Variants in PIK3C2B observed in about 807,000 individuals in gnomAD.
The protein encoded by PIK3C2B is phosphatidylinositol 4-phosphate 3-kinase C2 domain-containing subunit beta.
A neutral mutation model predicts 184.3 loss-of-function variants in PIK3C2B; 83 were observed. That is an observed-to-expected ratio of 0.45 (90% CI 0.38 to 0.54). The LOEUF (loss-of-function observed/expected upper bound fraction) is 0.54, where lower values mean the gene tolerates loss of function less well. PIK3C2B is among the 20% of genes least tolerant of loss of function. The pLI, the probability that PIK3C2B is intolerant of heterozygous loss-of-function variation, is 0.00. For synonymous variants in PIK3C2B, 779 were observed against 837.6 expected, an observed-to-expected ratio of 0.93 and a Z score of 1.21; for missense variants, 1,736 against 2,113.5, an observed-to-expected ratio of 0.82 and a Z score of 3.50.
chr1:204,425,313 T>C (rs1674686700), intron 32 of PIK3C2B, among the ~76,000 whole-genome samples: 1 of 152,114 alleles, frequency 6.6e-6, no homozygotes, highest in Admixed American at 6.5e-5. Context: ...AGCAGGCTTC[T>C]CCTTCCCACA....
At chr1:204,454,067 G>A (rs112307471) in intron 12 of PIK3C2B, among the ~76,000 whole-genome samples, 2,493 of 151,986 alleles carry the variant, frequency 0.016, 41 homozygotes, top group Non-Finnish European at 0.027. Context: ...AAGCCACCGC[G>A]CCTGGTCAAC....
intron 1 of PIK3C2B, among the ~76,000 whole-genome samples, chr1:204,487,560 T>C (rs1657693977): frequency 6.6e-6 from 1 of 152,146 alleles, no homozygotes; most frequent in South Asian, 2.1e-4. Flanking sequence ...CATCATAGGA[T>C]CAGAGGTTTG....
intron 26 of PIK3C2B, 38 bp from the exon 27 acceptor site, chr1:204,432,439 C>T (rs1675115369): frequency 4.5e-6 from 7 of 1,562,836 alleles, no homozygotes; most frequent in East Asian, 2.2e-5. Context: ...TAACCATGAA[C>T]CCAAATTCCT....
chr1:204,481,098 C>T (rs926546444), intron 1 of PIK3C2B, among the ~76,000 whole-genome samples: 1 of 151,128 alleles, frequency 6.6e-6, no homozygotes, highest in Admixed American at 6.6e-5. Context: ...ACATCTATGT[C>T]TCCCCGCTAC....
chr1:204,427,215 T>C (rs1674793114), intron 31 of PIK3C2B, among the ~76,000 whole-genome samples: 1 of 152,158 alleles, frequency 6.6e-6, no homozygotes, highest in South Asian at 2.1e-4. Context: ...AATTATCTAC[T>C]ACTGCCTTGA....
intron 24 of PIK3C2B, 94 bp downstream of exon 24, chr1:204,434,345 G>A: frequency 8.8e-7 from 1 of 1,131,882 alleles, no homozygotes. Context: ...CTGAGGCCCA[G>A]CTGCTTCCAT....
intron 12 of PIK3C2B, 168 bp downstream of exon 12, chr1:204,454,499 AAG>A (rs1487843062): frequency 1.9e-4 from 112 of 597,838 alleles, no homozygotes; most frequent in Non-Finnish European, 3.6e-5. Context: ...AAAAAAAAAA[AAG>A]AGTCAGGGAA....
At chr1:204,427,919 G>A (rs950135206) in intron 30 of PIK3C2B, among the ~76,000 whole-genome samples, 165 bp from the exon 31 acceptor site, 1 of 152,146 alleles carries the variant, frequency 6.6e-6, no homozygotes, top group African/African-American at 2.4e-5. Context: ...GGTTGGGATG[G>A]GTCTAAGGAT....
intron 1 of PIK3C2B, among the ~76,000 whole-genome samples, chr1:204,492,300 T>A (rs1450678627): frequency 1.3e-5 from 2 of 152,152 alleles, no homozygotes; most frequent in African/African-American, 4.8e-5. Flanking sequence ...AAACTAAATC[T>A]TAGGTCCACA....
intron 2 of PIK3C2B, among the ~76,000 whole-genome samples, 195 bp from the exon 3 acceptor site, chr1:204,465,514 TGAA>T (rs1655687171): frequency 6.6e-6 from 1 of 152,214 alleles, no homozygotes. Flanking sequence ...GGAGCCAAGT[TGAA>T]GAAGGAGGCG....
In PIK3C2B at chr1:204,423,215, C is replaced by A. The variant is rs1288214713; in HGVS notation, c.*1637G>T. 1 of 152,162 alleles carries A rather than the reference C, an allele frequency of 6.6e-6. No homozygotes were observed. The highest frequency in any genetic ancestry group is 2.4e-5 in the African/African-American group (1 of 41,380). 9.4% of individuals were successfully genotyped at this position (152,162 alleles called of 1,614,324 possible). On this transcript the variant is annotated 3_prime_UTR_variant, in exon 33 of 33. Transcript: ENST00000684373. ...CTGTAATCCCAGCACTTTGGGAGGC[C>A]AAGGCAGGCAGATCACGAGGTCAAG...
chr1:204,444,619 TCA>T (rs1180090394), intron 16 of PIK3C2B, among the ~76,000 whole-genome samples, 195 bp from the exon 17 acceptor site: 1 of 152,136 alleles, frequency 6.6e-6, no homozygotes, highest in Non-Finnish European at 1.5e-5. Context: ...TTCCTCACGG[TCA>T]GAGTCTGCCT....
intron 32 of PIK3C2B, 146 bp downstream of exon 32, chr1:204,425,467 G>A: frequency 1.2e-6 from 1 of 825,582 alleles, no homozygotes; most frequent in South Asian, 1.6e-5. Context: ...ATTGCAACAT[G>A]AAAGCAGCTA....
intron 32 of PIK3C2B, 67 bp downstream of exon 32, chr1:204,425,546 G>A (rs1034761318): frequency 3.8e-5 from 58 of 1,536,734 alleles, no homozygotes; most frequent in Admixed American, 5.0e-5. Flanking sequence ...TCTTCAATAC[G>A]ACTTTATCTA....
At position 204,447,478 on chromosome 1, in the gene PIK3C2B, T is replaced by C; in HGVS notation, c.2447A>G (p.Gln816Arg). ...YEFGSLREED[Q>R]RKLKDIMQKE... is the part of the protein sequence containing the mutation. Reference sequence around the variant, plus strand: ...CTGCATGATGTCTTTAAGCTTGCGCTGGTCTTCTTCCCGGAGGCTGCCAAA... The same window carrying C: ...CTGCATGATGTCTTTAAGCTTGCGCCGGTCTTCTTCCCGGAGGCTGCCAAA... The change falls in exon 15 of 33, where the codon CAG becomes CGG. Residue 816 changes from glutamine to arginine, a missense_variant. By Grantham distance (43) the Gln-to-Arg change is conservative. Transcript: ENST00000684373. This position sits in a 1 kb window ranked among gnomAD's most constrained non-coding sequence, Gnocchi z 4.1. 6.2e-7 allele frequency: 1 copy of C among 1,613,750 alleles called. No homozygotes were observed. The highest frequency in any genetic ancestry group is 8.5e-7 in the Non-Finnish European group (1 of 1,179,904).
chr1:204,491,973 C>T (rs911448003), intron 1 of PIK3C2B, among the ~76,000 whole-genome samples: 3 of 152,180 alleles, frequency 2.0e-5, no homozygotes, highest in African/African-American at 7.2e-5. Flanking sequence ...CCTGCCAACA[C>T]TATTTAAAGA....
chr1:204,442,552 G>A lies in PIK3C2B; in HGVS notation c.3130C>T (p.Leu1044=), dbSNP rs772923231. The A allele has an allele frequency of 1.7e-5, 27 of 1,554,724 alleles. No individual in the cohort carries two copies. The Admixed American group carries it at 2.3e-4, about 13-fold the overall frequency. ...CTGGGCACAATTCCCTTAACCAGCAGACTGGGGCTGAGTGGCAAGCGGCAC... is the reference window on the plus strand; with the variant it reads ...CTGGGCACAATTCCCTTAACCAGCAAACTGGGGCTGAGTGGCAAGCGGCAC... The part of the protein sequence containing the change: ...GSCRLPLSPS[L]LVKGIVPRDC... The change falls in exon 20 of 33, where the codon CTG becomes TTG. Residue 1044 remains leucine, a synonymous_variant. Transcript: ENST00000684373.
chr1:204,435,183 G>A (rs919844630), intron 23 of PIK3C2B, among the ~76,000 whole-genome samples: 7 of 151,584 alleles, frequency 4.6e-5, no homozygotes, highest in African/African-American at 1.2e-4. Flanking sequence ...AGCTTAACAC[G>A]TCTAGAGAGT....
Position 204,433,406 on chromosome 1 carries a change from G to C in PIK3C2B, c.3863C>G (p.Pro1288Arg), listed in dbSNP as rs1302832876. The change falls in exon 26 of 33, where the codon CCT becomes CGT. Residue 1288 changes from proline (P) to arginine (R), a missense_variant. Around this residue, in one of 8 missense-constraint regions of PIK3C2B, gnomAD observed 119 missense variants for 179.3 expected, o/e 0.66. Transcript: ENST00000684373. This position sits in a 1 kb window ranked among gnomAD's most constrained non-coding sequence, Gnocchi z 5.0. ...GAGGTCCTCCAGGTCTGAGAGTTCAGGGATCCCACAGGACAACATCTAGAA... is the reference window on the plus strand; with the variant it reads ...GAGGTCCTCCAGGTCTGAGAGTTCACGGATCCCACAGGACAACATCTAGAA... ...LLGLMLSCGIPELSDLEDLKY... is the reference protein window; with the variant it reads ...LLGLMLSCGIRELSDLEDLKY... The C allele has an allele frequency of 6.2e-7, 1 of 1,607,334 alleles. No homozygotes were observed. The highest frequency in any genetic ancestry group is 1.3e-5 in the African/African-American group (1 of 74,912).
Sources: allele counts gnomAD v4.1 joint callset (sites outside exome capture counted in the v4.1 genomes callset), GRCh38; gene constraint gnomAD v4.1.1; regional missense constraint gnomAD v4.1.1; non-coding constraint Gnocchi (gnomAD v3.1); transcripts MANE v1.5; gene names NCBI Gene and HGNC (gene_info 2026-07-23, HGNC 2026-07-21).